Variants in GALNT13 observed in about 807,000 individuals in gnomAD.
GALNT13 encodes the protein polypeptide N-acetylgalactosaminyltransferase 13.
GALNT13 carries 28 observed loss-of-function variants against 64.2 expected under a neutral mutation model. That is an observed-to-expected ratio of 0.44 (90% CI 0.32 to 0.60). The LOEUF (loss-of-function observed/expected upper bound fraction) is 0.60, where lower values mean the gene tolerates loss of function less well. Ranked by LOEUF, GALNT13 falls within the 20% of genes least tolerant of loss-of-function variation. GALNT13 has a pLI of 0.05. For synonymous variants in GALNT13, 214 were observed against 224.6 expected, an observed-to-expected ratio of 0.95 and a Z score of 0.42; for missense variants, 577 against 669.8, an observed-to-expected ratio of 0.86 and a Z score of 1.53.
intron 3 of GALNT13, 109 bp from the exon 4 acceptor site, chr2:154,140,228 C>G (rs986350283): frequency 4.0e-6 from 3 of 745,346 alleles, no homozygotes; most frequent in Non-Finnish European, 6.4e-6. Flanking sequence ...TATTATAAAA[C>G]CTGTATGTAA....
chr2:154,134,157 G>A (rs1227221558), intron 3 of GALNT13, among the ~76,000 whole-genome samples: 1 of 152,152 alleles, frequency 6.6e-6, no homozygotes, highest in Admixed American at 6.5e-5. Context: ...ATGTGTCCAA[G>A]AGGAACAACA....
the GALNT13 span, chr2:153,478,191 A>C: frequency 6.6e-7 from 1 of 1,508,322 alleles, no homozygotes; most frequent in Non-Finnish European, 9.1e-7. Context: ...CGGGCTAGCA[A>C]AGTGGGCAGG....
intron 4 of GALNT13, among the ~76,000 whole-genome samples, chr2:154,200,053 A>T (rs143899172): frequency 2.0e-5 from 3 of 151,974 alleles, no homozygotes; most frequent in African/African-American, 7.2e-5. Flanking sequence ...TAATTTATTT[A>T]TTTTTTGTGA....
At chr2:153,787,812 C>A in the GALNT13 span, among the ~76,000 whole-genome samples, 1 of 152,064 alleles carries the variant, frequency 6.6e-6, no homozygotes, top group South Asian at 2.1e-4. Context: ...CCAATATTAA[C>A]AGCAGAGGGA....
At chr2:154,189,286 A>T (rs556821485) in intron 4 of GALNT13, among the ~76,000 whole-genome samples, 50 of 152,246 alleles carry the variant, frequency 3.3e-4, no homozygotes, top group South Asian at 2.1e-4. Flanking sequence ...AATGTTATGG[A>T]CTGAATGTTT....
chr2:153,413,079 C>T, the GALNT13 span, among the ~76,000 whole-genome samples: 2 of 152,050 alleles, frequency 1.3e-5, no homozygotes, highest in African/African-American at 4.8e-5. Context: ...GAGAATTTAC[C>T]AGAGCCCAAA....
At chr2:154,378,363 C>A (rs562859588) in intron 9 of GALNT13, among the ~76,000 whole-genome samples, 11 of 152,128 alleles carry the variant, frequency 7.2e-5, no homozygotes, top group Non-Finnish European at 2.9e-5. Context: ...TAAGGAAATA[C>A]GTAACTAATA....
chr2:154,169,916 C>T (rs1407504438), intron 4 of GALNT13, among the ~76,000 whole-genome samples: 1 of 151,978 alleles, frequency 6.6e-6, no homozygotes, highest in East Asian at 1.9e-4. Context: ...AGAGAGAACC[C>T]AGTTACATCC....
rs59114913 is a variant in GALNT13 at position 154,411,317 on chromosome 2, T to TACACACACACAC, written c.1395+2267_1395+2278dup. Among the ~76,000 whole-genome samples, 178 of 147,870 alleles carry TACACACACACAC rather than the reference T, an allele frequency of 1.2e-3. No individual in the cohort carries two copies. The East Asian group carries it at 0.015, about 13-fold the overall frequency. On this transcript the variant is annotated intron_variant, in intron 11 of 12. Transcript: ENST00000392825. ...TTCCATCTACATACTTAATTGCACATACACACACACACACACACACACACA... is the reference window on the plus strand; with the variant it reads ...TTCCATCTACATACTTAATTGCACATACACACACACACACACACACACACACACACACACACA...
chr2:153,482,227 A>C, the GALNT13 span, among the ~76,000 whole-genome samples: 1 of 152,194 alleles, frequency 6.6e-6, no homozygotes, highest in Non-Finnish European at 1.5e-5. Context: ...CAGTATCAAC[A>C]TGTGTTCTGA....
chr2:153,210,516 A>G, the GALNT13 span, among the ~76,000 whole-genome samples: 2 of 152,090 alleles, frequency 1.3e-5, no homozygotes, highest in Non-Finnish European at 2.9e-5. Context: ...GGATCATGAT[A>G]TTTTATTCAT....
chr2:154,410,906 T>A (rs887562657), intron 11 of GALNT13, among the ~76,000 whole-genome samples: 1 of 151,950 alleles, frequency 6.6e-6, no homozygotes, highest in African/African-American at 2.4e-5. Context: ...ATTACTTTAT[T>A]CATCTGCACG....
At chr2:153,424,363 A>T in the GALNT13 span, among the ~76,000 whole-genome samples, 1 of 151,654 alleles carries the variant, frequency 6.6e-6, no homozygotes, top group Non-Finnish European at 1.5e-5. Flanking sequence ...ATCAATCTGG[A>T]TATATAGAAG....
the GALNT13 span, among the ~76,000 whole-genome samples, chr2:153,147,801 TG>T: frequency 6.6e-6 from 1 of 151,742 alleles, no homozygotes; most frequent in Non-Finnish European, 1.5e-5. Context: ...CCTGGAGCAT[TG>T]GGCATTCATT....
intron 4 of GALNT13, among the ~76,000 whole-genome samples, chr2:154,143,335 C>T (rs981348274): frequency 6.6e-6 from 1 of 152,026 alleles, no homozygotes; most frequent in Non-Finnish European, 1.5e-5. Context: ...CAGGCCAGGA[C>T]CAGTACTGGT....
intron 4 of GALNT13, among the ~76,000 whole-genome samples, chr2:154,144,345 G>A (rs932630784): frequency 1.3e-5 from 2 of 152,034 alleles, no homozygotes; most frequent in Non-Finnish European, 2.9e-5. Flanking sequence ...ATACTCATTT[G>A]ATCTAGAAAA....
intron 1 of GALNT13, among the ~76,000 whole-genome samples, chr2:153,884,605 A>G (rs547178270): frequency 8.6e-5 from 13 of 151,466 alleles, no homozygotes; most frequent in African/African-American, 2.9e-4. Flanking sequence ...ATAACATGTC[A>G]TTTAAGTTCT....
chr2:154,340,110 A>G (rs954503814), intron 9 of GALNT13, among the ~76,000 whole-genome samples: 2 of 152,168 alleles, frequency 1.3e-5, no homozygotes, highest in Admixed American at 6.6e-5. Flanking sequence ...GACATTTCCT[A>G]AGACAGCCAG....
the GALNT13 span, among the ~76,000 whole-genome samples, chr2:153,642,514 A>G: frequency 6.6e-6 from 1 of 151,926 alleles, no homozygotes; most frequent in Non-Finnish European, 1.5e-5. Flanking sequence ...AGGTATAATT[A>G]TCCAAAAAGA....
Sources: gnomAD v4.1 joint callset for allele counts (sites outside exome capture counted in the v4.1 genomes callset) on GRCh38, gnomAD v4.1.1 for gene constraint, MANE v1.5 for transcripts, NCBI Gene and HGNC (gene_info 2026-07-23, HGNC 2026-07-21) for gene names.